Variants in RCOR1 observed in about 807,000 individuals in gnomAD.
RCOR1 encodes the protein REST corepressor.
In RCOR1, 12 loss-of-function variants were observed where a neutral mutation model predicts 64.0. The observed-to-expected ratio is 0.19, with a 90% confidence interval of 0.12 to 0.30. The LOEUF (loss-of-function observed/expected upper bound fraction) is 0.30, where lower values mean the gene tolerates loss of function less well. RCOR1 is among the 10% of genes least tolerant of loss of function. RCOR1 has a pLI of 1.00. For synonymous variants in RCOR1, 279 were observed against 227.2 expected (o/e 1.23, Z -2.05); for missense variants, 502 against 621.2 (o/e 0.81, Z 2.04).
intron 2 of RCOR1, 108 bp downstream of exon 2, chr14:102,593,433 G>GC: frequency 8.4e-7 from 1 of 1,194,274 alleles, no homozygotes; most frequent in Admixed American, 3.5e-5. Flanking sequence ...TTGTGCGTTC[G>GC]CCCTGCCGTC....
At chr14:102,652,279 A>G (rs1894609415) in intron 2 of RCOR1, among the ~76,000 whole-genome samples, 1 of 152,222 alleles carries the variant, frequency 6.6e-6, no homozygotes, top group African/African-American at 2.4e-5. Flanking sequence ...CCTTCAGTCT[A>G]GGCAGAGCTG....
At chr14:102,679,636 G>A (rs897010461) in intron 2 of RCOR1, among the ~76,000 whole-genome samples, 7 of 151,942 alleles carry the variant, frequency 4.6e-5, no homozygotes, top group Admixed American at 1.3e-4. Context: ...CCGCCACCAC[G>A]CCCGGCTAAT....
rs759904839 is a variant in RCOR1 at position 102,608,675 on chromosome 14, T to TA, written c.361+15351dup. ...GTCTTGAGCTCCCGACCTCAGGTGATACACCTGTCTCGGCCTCCCAAAGTG... is the reference window on the plus strand; with the variant it reads ...GTCTTGAGCTCCCGACCTCAGGTGATAACACCTGTCTCGGCCTCCCAAAGTG... On this transcript the variant is annotated intron_variant, in intron 2 of 11. Transcript: ENST00000262241. Among the ~76,000 whole-genome samples the TA allele has an allele frequency of 2.0e-5, 3 of 152,086 alleles. No individual in the cohort carries two copies. In the East Asian group the frequency reaches 5.8e-4, roughly 29 times the overall value.
intron 11 of RCOR1, 40 bp downstream of exon 11, chr14:102,722,456 C>A: frequency 6.6e-7 from 1 of 1,505,964 alleles, no homozygotes; most frequent in South Asian, 1.2e-5. Flanking sequence ...TTGTCAGGTT[C>A]ACGCTTGATA....
chr14:102,691,479 C>G (rs936771610), intron 3 of RCOR1, among the ~76,000 whole-genome samples: 2 of 152,122 alleles, frequency 1.3e-5, no homozygotes, highest in African/African-American at 4.8e-5. Context: ...CAAAACAAAA[C>G]AACTTATTCT....
intron 2 of RCOR1, among the ~76,000 whole-genome samples, chr14:102,660,968 T>G (rs1423454909): frequency 6.6e-6 from 1 of 152,158 alleles, no homozygotes; most frequent in Non-Finnish European, 1.5e-5. Context: ...GCTCAGCTCT[T>G]TTTCAAAGGG....
intron 2 of RCOR1, chr14:102,662,512 G>T: frequency 3.9e-6 from 2 of 517,564 alleles, no homozygotes; most frequent in South Asian, 2.9e-5. Context: ...TGTTTCTCCT[G>T]GGGGCGCTCT....
intron 2 of RCOR1, among the ~76,000 whole-genome samples, chr14:102,639,889 CAGGCTGG>C (rs1894331471): frequency 1.3e-5 from 2 of 152,022 alleles, no homozygotes; most frequent in Non-Finnish European, 2.9e-5. Context: ...GCTCTGTCCC[CAGGCTGG>C]AGTGCAATGG....
In RCOR1 at chr14:102,700,324, C is replaced by T. The variant is rs753220368; in HGVS notation, c.446-954C>T. ...GCAACCTCTGCCTCCCGGGTTCAAG[C>T]GATTCTCCTGCCTCAGCCTCCCAAG... On this transcript the variant is annotated intron_variant, in intron 3 of 11. Transcript: ENST00000262241. Among the ~76,000 whole-genome samples, 66 of 152,188 alleles carry T rather than the reference C, an allele frequency of 4.3e-4. 1 individual carries two copies. Among genetic ancestry groups the T allele is most frequent in the Non-Finnish European group, 6.8e-4 (46 of 67,998 alleles).
chr14:102,642,664 C>T (rs1054896831), intron 2 of RCOR1, among the ~76,000 whole-genome samples: 6 of 151,952 alleles, frequency 3.9e-5, no homozygotes, highest in African/African-American at 4.8e-5. Context: ...AGTGAGACCT[C>T]GTCTCTATAA....
chr14:102,714,046 A>G (rs1328564494), intron 7 of RCOR1, among the ~76,000 whole-genome samples: 2 of 152,250 alleles, frequency 1.3e-5, no homozygotes, highest in Non-Finnish European at 2.9e-5. Flanking sequence ...AAATGTGTAT[A>G]AAAAGCTGTA....
intron 6 of RCOR1, among the ~76,000 whole-genome samples, chr14:102,710,128 C>T (rs1345628896): frequency 1.3e-5 from 2 of 152,228 alleles, no homozygotes; most frequent in East Asian, 1.9e-4. Flanking sequence ...ACACTCTTTC[C>T]TCAGCTAGAG....
chr14:102,594,669 T>G (rs1186786137), intron 2 of RCOR1, among the ~76,000 whole-genome samples: 1 of 152,102 alleles, frequency 6.6e-6, no homozygotes, highest in Non-Finnish European at 1.5e-5. Flanking sequence ...ATTCTTTTTT[T>G]TTTTTTTGGT....
At chr14:102,709,050 G>C (rs145132811) in intron 6 of RCOR1, among the ~76,000 whole-genome samples, 132 of 152,178 alleles carry the variant, frequency 8.7e-4, no homozygotes, top group African/African-American at 3.2e-3. Context: ...TAGTTTTAAG[G>C]ATAGCTCAGT....
chr14:102,665,168 A>G (rs1894893309), intron 2 of RCOR1, among the ~76,000 whole-genome samples: 1 of 151,864 alleles, frequency 6.6e-6, no homozygotes, highest in South Asian at 2.1e-4. Context: ...ACCATGCCTG[A>G]CTAATTCTGT....
chr14:102,600,564 G>T (rs953957359), intron 2 of RCOR1, among the ~76,000 whole-genome samples: 11 of 147,976 alleles, frequency 7.4e-5, no homozygotes, highest in African/African-American at 2.8e-4. Context: ...ACCATGCCCA[G>T]CTAATTTTTT....
chr14:102,705,235 C>G (rs1359809833), intron 4 of RCOR1, among the ~76,000 whole-genome samples: 1 of 152,126 alleles, frequency 6.6e-6, no homozygotes, highest in Non-Finnish European at 1.5e-5. Context: ...TTTCGAATCT[C>G]TCCCCTACCT....
intron 2 of RCOR1, among the ~76,000 whole-genome samples, chr14:102,675,198 T>A (rs911398792): frequency 1.8e-4 from 28 of 152,218 alleles, no homozygotes; most frequent in African/African-American, 6.7e-4. Flanking sequence ...ATAGCAAAAC[T>A]GAATAATTTT....
At chr14:102,603,905 C>A (rs182056330) in intron 2 of RCOR1, among the ~76,000 whole-genome samples, 18 of 152,030 alleles carry the variant, frequency 1.2e-4, no homozygotes, top group Admixed American at 7.9e-4. Flanking sequence ...TGTGTGAGTT[C>A]TTTTTATTTA....
Sources: gnomAD v4.1 joint callset for allele counts (sites outside exome capture counted in the v4.1 genomes callset) on GRCh38, gnomAD v4.1.1 for gene constraint, MANE v1.5 for transcripts, NCBI Gene and HGNC (gene_info 2026-07-23, HGNC 2026-07-21) for gene names.